Variants in MACROH2A1 observed in about 807,000 individuals in gnomAD.
The protein encoded by MACROH2A1 is core histone macro-H2A.1.
A neutral mutation model predicts 31.6 loss-of-function variants in MACROH2A1; 2 were observed. The observed-to-expected ratio is 0.06, with a 90% CI of 0.03 to 0.20. MACROH2A1 has a LOEUF of 0.20. Among genes scored for constraint, MACROH2A1 ranks in the 10% least tolerant of loss-of-function variants. The pLI is 1.00. For missense variants in MACROH2A1, 230 were observed against 474.0 expected, an observed-to-expected ratio of 0.49 and a Z score of 4.78; for synonymous variants, 169 against 189.6, an observed-to-expected ratio of 0.89 and a Z score of 0.89.
At chr5:135,347,821 C>T (rs561073891) in intron 6 of MACROH2A1, among the ~76,000 whole-genome samples, 1 of 152,332 alleles carries the variant, frequency 6.6e-6, no homozygotes, top group Non-Finnish European at 1.5e-5. Context: ...ACCCATTCTC[C>T]AGCTTGAGGC....
At chr5:135,383,885 T>C (rs1202441859) in intron 2 of MACROH2A1, among the ~76,000 whole-genome samples, 2 of 152,048 alleles carry the variant, frequency 1.3e-5, no homozygotes, top group East Asian at 3.9e-4. Flanking sequence ...CGTCAGTTAG[T>C]CTAAGGGAGG....
At chr5:135,341,247 C>G (rs1238016733) in intron 8 of MACROH2A1, among the ~76,000 whole-genome samples, 2 of 152,202 alleles carry the variant, frequency 1.3e-5, no homozygotes, top group Non-Finnish European at 2.9e-5. Context: ...GGCAGAGAGG[C>G]TGATTCATTT....
chr5:135,391,582 A>G (rs192839068), intron 1 of MACROH2A1, among the ~76,000 whole-genome samples: 88 of 152,328 alleles, frequency 5.8e-4, no homozygotes, highest in African/African-American at 2.0e-3. Flanking sequence ...ATGCCAGTGC[A>G]ACACCTGGCC....
chr5:135,343,523 G>A, intron 7 of MACROH2A1, 89 bp from the exon 8 acceptor site: 1 of 1,565,944 alleles, frequency 6.4e-7, no homozygotes, highest in Non-Finnish European at 8.6e-7. Flanking sequence ...CCCTGCCACG[G>A]TATATCTTCC....
Position 135,398,484 on chromosome 5 carries a change from C to G in MACROH2A1, c.-34+578G>C, listed in dbSNP as rs1302434596. Among the ~76,000 whole-genome samples, 1 of 152,248 alleles carries G rather than the reference C, an allele frequency of 6.6e-6. No individual in the cohort carries two copies. Among genetic ancestry groups the G allele is most frequent in the Admixed American group, 6.5e-5 (1 of 15,294 alleles). On this transcript the variant is annotated intron_variant, in intron 1 of 8. Transcript: ENST00000511689. This position sits in a 1 kb window ranked among gnomAD's most constrained non-coding sequence, Gnocchi z 4.6. ...TGGACCACTCCCCAACCCGGTCCCC[C>G]GCACCAGCCCGGCTTCAATCCCGCG...
intron 4 of MACROH2A1, chr5:135,361,054 A>G (rs1762783046): frequency 3.4e-6 from 1 of 295,568 alleles, no homozygotes; most frequent in Non-Finnish European, 6.5e-6. Context: ...TCCTGACTCC[A>G]GAAGGTCAGA....
At chr5:135,374,908 C>T (rs1035717928) in intron 2 of MACROH2A1, among the ~76,000 whole-genome samples, 4 of 152,152 alleles carry the variant, frequency 2.6e-5, no homozygotes, top group African/African-American at 9.7e-5. Flanking sequence ...AAACAGAACC[C>T]CTTACCAGGT....
intron 2 of MACROH2A1, among the ~76,000 whole-genome samples, chr5:135,384,396 C>T (rs1303585419): frequency 1.3e-5 from 2 of 152,198 alleles, no homozygotes; most frequent in Non-Finnish European, 2.9e-5. Flanking sequence ...TTCTAACAAC[C>T]GTCCCTTTTC....
At chr5:135,385,534 G>T (rs1014077001) in intron 2 of MACROH2A1, among the ~76,000 whole-genome samples, 35 of 152,178 alleles carry the variant, frequency 2.3e-4, no homozygotes, top group Non-Finnish European at 1.9e-4. Context: ...CAATGTCGGG[G>T]TCACATCCTT....
intron 8 of MACROH2A1, among the ~76,000 whole-genome samples, chr5:135,339,108 A>C (rs190136448): frequency 5.3e-5 from 8 of 152,252 alleles, no homozygotes; most frequent in African/African-American, 1.7e-4. Flanking sequence ...TGGAGTCAAG[A>C]GTTTCCTACA....
chr5:135,366,366 C>T (rs1158876526), intron 4 of MACROH2A1, among the ~76,000 whole-genome samples: 1 of 152,114 alleles, frequency 6.6e-6, no homozygotes, highest in Non-Finnish European at 1.5e-5. Context: ...GGGCAGTGAA[C>T]ACAGGTGCCA....
Position 135,343,407 on chromosome 5 carries a change from G to C in MACROH2A1, c.806C>G (p.Pro269Arg). Residue 269 changes from proline to arginine, a missense_variant, in exon 8 of 9, where the codon CCT becomes CGT. Pro to Arg is a moderately radical substitution (Grantham distance 103). Coordinates refer to ENST00000511689, the MANE Select transcript of MACROH2A1 (RefSeq NM_138610.3). Reference protein sequence around the residue: ...GAAVSAGHGLPAKFVIHCNSP... With the variant: ...GAAVSAGHGLRAKFVIHCNSP... The stretch of plus-strand genomic sequence containing the variant: ...ATTACAGTGGATCACAAACTTGGCA[G>C]GCAGGCCATGGCCTGCGCTGACAGC... 6.2e-7 allele frequency: 1 copy of C among 1,614,182 alleles called. No individual in the cohort carries two copies. The highest frequency in any genetic ancestry group is 8.5e-7 in the Non-Finnish European group (1 of 1,180,028).
chr5:135,384,248 T>G (rs1157726119), intron 2 of MACROH2A1, among the ~76,000 whole-genome samples: 2 of 152,190 alleles, frequency 1.3e-5, no homozygotes. Context: ...GAGGCAGGGA[T>G]GGGTTGTGGC....
chr5:135,360,468 G>A (rs375526198), intron 5 of MACROH2A1, 29 bp downstream of exon 5: 14 of 1,417,938 alleles, frequency 9.9e-6, no homozygotes, highest in Admixed American at 5.0e-5. Context: ...TGGGGCCCTC[G>A]AGTAGACTGA....
chr5:135,383,721 G>C (rs1766003454), intron 2 of MACROH2A1, among the ~76,000 whole-genome samples: 1 of 149,962 alleles, frequency 6.7e-6, no homozygotes, highest in Non-Finnish European at 1.5e-5. Flanking sequence ...GTGTGTGTGT[G>C]TGTGTGTGTG....
At chr5:135,361,093 C>A in intron 4 of MACROH2A1, 1 of 277,726 alleles carries the variant, frequency 3.6e-6, no homozygotes, top group Non-Finnish European at 7.0e-6. Context: ...TCCTTAAAGC[C>A]AGTGTTAGAG....
At chr5:135,354,875 C>T in intron 5 of MACROH2A1, 1 of 362,306 alleles carries the variant, frequency 2.8e-6, no homozygotes, top group Non-Finnish European at 5.4e-6. Context: ...AAAACACACC[C>T]CACACAGTGT....
At chr5:135,377,510 G>C (rs1044695308) in intron 2 of MACROH2A1, among the ~76,000 whole-genome samples, 3 of 152,228 alleles carry the variant, frequency 2.0e-5, no homozygotes, top group Admixed American at 6.5e-5. Flanking sequence ...CAAAGCGAAA[G>C]AGCGAGGAGC....
chr5:135,383,700 GGTGTGTGTGTGTGTGTGT>G (rs61338247), intron 2 of MACROH2A1, among the ~76,000 whole-genome samples: 31 of 137,226 alleles, frequency 2.3e-4, no homozygotes, highest in Admixed American at 5.0e-4. Context: ...GATGTGGTGT[GGTGTGTGTGTGTGTGTGT>G]GTGTGTGTGT....
Sources: allele counts gnomAD v4.1 joint callset (sites outside exome capture counted in the v4.1 genomes callset), GRCh38; gene constraint gnomAD v4.1.1; non-coding constraint Gnocchi (gnomAD v3.1); transcripts MANE v1.5; gene names NCBI Gene and HGNC (gene_info 2026-07-23, HGNC 2026-07-21).